Variants in WWTR1 observed in about 807,000 individuals in gnomAD.
WWTR1 encodes WW domain containing transcription regulator 1.
A neutral mutation model predicts 40.1 loss-of-function variants in WWTR1; 13 were observed. The observed-to-expected ratio is 0.32, with a 90% confidence interval of 0.21 to 0.52. The LOEUF (loss-of-function observed/expected upper bound fraction) is 0.52. Ranked by LOEUF, WWTR1 falls within the 20% of genes least tolerant of loss-of-function variation. The pLI, the probability that WWTR1 is intolerant of heterozygous loss-of-function variation, is 0.97. For missense variants in WWTR1, 436 were observed against 523.1 expected, an observed-to-expected ratio of 0.83 and a Z score of 1.63; for synonymous variants, 230 against 210.1, an observed-to-expected ratio of 1.09 and a Z score of -0.82.
intron 2 of WWTR1, among the ~76,000 whole-genome samples, chr3:149,618,945 G>C (rs961016934): frequency 6.6e-6 from 1 of 152,114 alleles, no homozygotes; most frequent in African/African-American, 2.4e-5. Flanking sequence ...TGACGTCTGT[G>C]AGATACCCAG....
At chr3:149,650,727 C>T (rs935689850) in intron 2 of WWTR1, among the ~76,000 whole-genome samples, 2 of 152,226 alleles carry the variant, frequency 1.3e-5, no homozygotes, top group Non-Finnish European at 2.9e-5. Flanking sequence ...AAAAACTAGA[C>T]ACTTCTCAGA....
intron 2 of WWTR1, among the ~76,000 whole-genome samples, chr3:149,656,515 G>A (rs1176758163): frequency 1.3e-5 from 2 of 151,612 alleles, no homozygotes; most frequent in Non-Finnish European, 2.9e-5. Flanking sequence ...ACATCCCAAA[G>A]GGCCTGGCTC....
chr3:149,605,905 T>C (rs576132326), intron 2 of WWTR1, among the ~76,000 whole-genome samples: 9 of 152,264 alleles, frequency 5.9e-5, no homozygotes, highest in Non-Finnish European at 8.8e-5. Context: ...GGTGGCATAC[T>C]GCTATGGTGT....
chr3:149,591,581 TAAATTTTCTCTAAAC>T (rs1738726297), intron 2 of WWTR1, among the ~76,000 whole-genome samples: 1 of 152,042 alleles, frequency 6.6e-6, no homozygotes, highest in Non-Finnish European at 1.5e-5. Flanking sequence ...TCACTTTTCC[TAAATTTTCTCTAAAC>T]AAAAAAAAGT....
intron 2 of WWTR1, among the ~76,000 whole-genome samples, chr3:149,590,789 C>G (rs7626496): frequency 0.13 from 20,129 of 152,126 alleles, 1,628 homozygotes; most frequent in African/African-American, 0.23. Flanking sequence ...CTTGTGAACC[C>G]AAAGAGGCTG....
At chr3:149,605,205 C>T (rs1739430239) in intron 2 of WWTR1, among the ~76,000 whole-genome samples, 1 of 152,182 alleles carries the variant, frequency 6.6e-6, no homozygotes, top group African/African-American at 2.4e-5. Context: ...AAACGAGGAG[C>T]TTCAAAGCAC....
rs374240316 is a variant in WWTR1, at chr3:149,569,928, G to C, written c.568+2936C>G. Among the ~76,000 whole-genome samples the C allele has an allele frequency of 2.6e-4, 39 of 152,288 alleles. No homozygotes were observed. The South Asian group carries it at 7.7e-3, about 30-fold the overall frequency. Reference sequence around the variant, plus strand: ...ATGCCCAAGAGATCCTCCCACCTCAGAGCCTTCCAAGTAGCTGGGACTACA... The same window carrying C: ...ATGCCCAAGAGATCCTCCCACCTCACAGCCTTCCAAGTAGCTGGGACTACA... On this transcript the variant is annotated intron_variant, in intron 3 of 6. Transcript: ENST00000360632.
chr3:149,556,942 A>C (rs1354049266), intron 3 of WWTR1, among the ~76,000 whole-genome samples: 1 of 151,676 alleles, frequency 6.6e-6, no homozygotes, highest in Non-Finnish European at 1.5e-5. Flanking sequence ...TGTAGTATAC[A>C]CTCATTTTGG....
intron 2 of WWTR1, among the ~76,000 whole-genome samples, chr3:149,614,161 A>C (rs972411407): frequency 2.0e-5 from 3 of 152,170 alleles, no homozygotes; most frequent in Non-Finnish European, 2.9e-5. Flanking sequence ...ACACACAGTC[A>C]TGTGCAGCAT....
chr3:149,678,886 A>T (rs1714362830), intron 1 of WWTR1, among the ~76,000 whole-genome samples: 1 of 150,276 alleles, frequency 6.7e-6, no homozygotes, highest in African/African-American at 2.5e-5. Context: ...GCAATGGTGC[A>T]GTGGCGTGAT....
intron 2 of WWTR1, among the ~76,000 whole-genome samples, chr3:149,636,304 T>C: frequency 6.6e-6 from 1 of 152,208 alleles, no homozygotes; most frequent in Middle Eastern, 3.2e-3. Flanking sequence ...CTTTGTGTCC[T>C]GAAAAGTCCT....
chr3:149,590,043 A>G (rs1332823811), intron 2 of WWTR1, among the ~76,000 whole-genome samples: 1 of 152,188 alleles, frequency 6.6e-6, no homozygotes, highest in Non-Finnish European at 1.5e-5. Flanking sequence ...TGATTCTGCA[A>G]ACTGCTCGGC....
intron 1 of WWTR1, among the ~76,000 whole-genome samples, chr3:149,670,059 C>T (rs559858684): frequency 6.6e-6 from 1 of 152,306 alleles, no homozygotes; most frequent in Middle Eastern, 3.4e-3. Context: ...CCCTTAGGGG[C>T]GTCCCGCGAT....
At chr3:149,525,733 C>A in intron 6 of WWTR1, 11 of 175,094 alleles carry the variant, frequency 6.3e-5, no homozygotes, top group Non-Finnish European at 8.0e-5. Context: ...TTTTTTTTTT[C>A]AACATTTTTA....
Position 149,593,073 on chromosome 3 carries a change from C to T in WWTR1, c.432-20073G>A, listed in dbSNP as rs75069256. On this transcript the variant is annotated intron_variant, in intron 2 of 6. Coordinates refer to ENST00000360632, the MANE Select transcript of WWTR1 (RefSeq NM_015472.6). The stretch of plus-strand genomic sequence containing the variant: ...TCACCCAGATACCGACTGCAGGATC[C>T]GCGTGATCTGATTTAGGCTGGGCAT... Among the ~76,000 whole-genome samples, 965 of 152,240 alleles carry T rather than the reference C, an allele frequency of 6.3e-3. 10 individuals are homozygous for T. Among genetic ancestry groups the T allele is most frequent in the African/African-American group, 0.022 (931 of 41,558 alleles).
chr3:149,696,841 C>G (rs1230662047), intron 1 of WWTR1, among the ~76,000 whole-genome samples: 2 of 152,208 alleles, frequency 1.3e-5, no homozygotes, highest in East Asian at 3.8e-4. Context: ...ACTCAGTCTT[C>G]AGTTTACCCC....
chr3:149,523,947 G>A (rs1297736388), intron 6 of WWTR1, among the ~76,000 whole-genome samples: 1 of 152,194 alleles, frequency 6.6e-6, no homozygotes. Context: ...CACTCAATGA[G>A]CTGATTCTCA....
chr3:149,687,278 G>A (rs1307997013), intron 1 of WWTR1, among the ~76,000 whole-genome samples: 1 of 152,266 alleles, frequency 6.6e-6, no homozygotes, highest in East Asian at 1.9e-4. Flanking sequence ...AGAACTAACT[G>A]GAACTCACTA....
intron 1 of WWTR1, among the ~76,000 whole-genome samples, chr3:149,679,138 A>T (rs1714371301): frequency 6.6e-6 from 1 of 152,220 alleles, no homozygotes. Context: ...GCCCAAGGCC[A>T]TATGTTTTTG....
Sources: gnomAD v4.1 joint callset for allele counts (sites outside exome capture counted in the v4.1 genomes callset) on GRCh38, gnomAD v4.1.1 for gene constraint, MANE v1.5 for transcripts, NCBI Gene and HGNC (gene_info 2026-07-23, HGNC 2026-07-21) for gene names.